Variants in ACP3 observed in about 807,000 individuals in gnomAD.
The protein encoded by ACP3 is prostatic acid phosphatase.
A neutral mutation model predicts 45.6 loss-of-function variants in ACP3; 38 were observed. That is an observed-to-expected ratio of 0.83 (90% CI 0.64 to 1.09). The LOEUF is 1.09. ACP3 is among the 50% of genes least tolerant of loss of function. ACP3 has a pLI of 0.00. For synonymous variants in ACP3, 162 were observed against 164.7 expected (o/e 0.98, Z 0.13); for missense variants, 466 against 463.2 (o/e 1.01, Z -0.05).
rs779847996 is a variant in ACP3, at chr3:132,357,277, G to C, written c.*399G>C. ...TTCTTTAAATGTCTGAAATGGAACA[G>C]ATTTCAAAAAAAAACCCCACAATCT... On this transcript the variant is annotated 3_prime_UTR_variant, in exon 10 of 10. Transcript: ENST00000336375. The C allele has an allele frequency of 1.0e-6, 1 of 986,668 alleles. No homozygotes were observed. Among genetic ancestry groups the C allele is most frequent in the Non-Finnish European group, 1.2e-6 (1 of 830,906 alleles). The allele number at this position is 986,668 out of a possible 1,614,324, so 61.1% of individuals were successfully genotyped here. A position where few individuals can be genotyped will look rare whatever the true frequency, so the allele number is the denominator to read the frequency against.
chr3:132,334,546 C>G (rs368522948), intron 4 of ACP3, among the ~76,000 whole-genome samples: 10 of 152,148 alleles, frequency 6.6e-5, no homozygotes, highest in Non-Finnish European at 1.5e-4. Flanking sequence ...ATGAGACTTA[C>G]GTGCAGTTAC....
In ACP3 at chr3:132,317,584, G is replaced by T; in HGVS notation, c.120+8G>T. On this transcript the variant is annotated splice_region_variant and intron_variant, in intron 1 of 9. Coordinates refer to ENST00000336375, the MANE Select transcript of ACP3 (RefSeq NM_001099.5). ...TTGAAGTTTGTGACTTTGGTAAGTA[G>T]ACTTTTCTCATTGCTTTTTCCTTAA... 6.2e-7 allele frequency: 1 copy of T among 1,608,414 alleles called. No individual in the cohort carries two copies. The highest frequency in any genetic ancestry group is 8.5e-7 in the Non-Finnish European group (1 of 1,177,514).
At position 132,357,967 on chromosome 3, in the gene ACP3, G is replaced by C. The variant is rs1229315454; in HGVS notation, c.*1089G>C. 1 of 167,552 alleles carries C rather than the reference G, an allele frequency of 6.0e-6. No homozygotes were observed. Among genetic ancestry groups the C allele is most frequent in the Admixed American group, 6.6e-5 (1 of 15,198 alleles). The allele number at this position is 167,552 out of a possible 1,614,324, so 10.4% of individuals were successfully genotyped here. On this transcript the variant is annotated 3_prime_UTR_variant, in exon 10 of 10. Coordinates refer to ENST00000336375, the MANE Select transcript of ACP3 (RefSeq NM_001099.5). ...GAGGATCACTTGAGCCCCGGAGGTC[G>C]AGGCTACAGTGAGCCAAGAGTGCAC... is the stretch of plus-strand genomic sequence containing the variant.
intron 6 of ACP3, among the ~76,000 whole-genome samples, 161 bp from the exon 7 acceptor site, chr3:132,344,766 T>C (rs764907124): frequency 1.6e-4 from 24 of 152,110 alleles, no homozygotes; most frequent in Non-Finnish European, 3.4e-4. Context: ...CTTCTGAAAG[T>C]CAATACCACT....
At chr3:132,367,832 T>C (rs778091610) in exon 11 of ACP3, 2 of 1,595,288 alleles carry the variant, frequency 1.3e-6, no homozygotes, top group Non-Finnish European at 1.7e-6. Context: ...AACAGACAGC[T>C]GGATAAGCCA....
Position 132,350,895 on chromosome 3 carries a change from A to G in ACP3, c.864+893A>G, listed in dbSNP as rs75638754. 6.3e-3 allele frequency among the ~76,000 whole-genome samples: 954 copies of G among 152,274 alleles called. 11 individuals carry two copies. The highest frequency in any genetic ancestry group is 0.022 in the African/African-American group (902 of 41,548). ...GTTGGGAACAGGATATGGTGTAGAA[A>G]GCTTTTGTGATAGTCTAGAAAAATG... is the stretch of plus-strand genomic sequence containing the variant. On this transcript the variant is annotated intron_variant, in intron 8 of 9. Transcript: ENST00000336375.
intron 1 of ACP3, among the ~76,000 whole-genome samples, chr3:132,319,898 C>A (rs1001601986): frequency 5.3e-5 from 8 of 152,102 alleles, no homozygotes; most frequent in Admixed American, 3.3e-4. Context: ...CTCTGTGATC[C>A]GAGAAAAATA....
At chr3:132,340,151 T>C (rs1265058845) in intron 5 of ACP3, among the ~76,000 whole-genome samples, 1 of 151,930 alleles carries the variant, frequency 6.6e-6, no homozygotes, top group Non-Finnish European at 1.5e-5. Flanking sequence ...CTGTCTCTAC[T>C]AGAAACACAA....
chr3:132,347,701 C>G (rs1038062726), intron 7 of ACP3, among the ~76,000 whole-genome samples: 6 of 152,100 alleles, frequency 3.9e-5, no homozygotes, highest in East Asian at 1.9e-4. Context: ...CCAGGCTAGT[C>G]TTGAACTCCT....
chr3:132,328,424 A>C (rs1937340607), intron 2 of ACP3, 62 bp downstream of exon 2: 1 of 1,432,248 alleles, frequency 7.0e-7, no homozygotes. Flanking sequence ...CACGCCTGTA[A>C]TCCCAGCACT....
chr3:132,356,935 T>C lies in ACP3; in HGVS notation c.*57T>C. On this transcript the variant is annotated 3_prime_UTR_variant, in exon 10 of 10. Transcript: ENST00000336375. ...TGCCCTTTCTCAGGGCAGATGATGCTTTGAGAACATACTTTGGCCATTACC... is the reference window on the plus strand; with the variant it reads ...TGCCCTTTCTCAGGGCAGATGATGCCTTGAGAACATACTTTGGCCATTACC... The C allele has an allele frequency of 1.3e-6, 2 of 1,548,212 alleles. No individual in the cohort carries two copies. The highest frequency in any genetic ancestry group is 2.4e-5 in the South Asian group (2 of 81,978).
chr3:132,352,819 A>T lies in ACP3; in HGVS notation c.964A>T (p.Lys322Ter), dbSNP rs1403603816. The T allele has an allele frequency of 1.2e-6, 2 of 1,602,594 alleles. No individual in the cohort carries two copies. Among genetic ancestry groups the T allele is most frequent in the Non-Finnish European group, 1.7e-6 (2 of 1,169,636 alleles). Residue 322 changes from lysine to a stop codon, truncating the protein, a stop_gained, in exon 9 of 10, where the codon AAG (lysine) becomes TAG (stop). Transcript: ENST00000336375. LOFTEE classifies it low-confidence loss of function (END_TRUNC). ...SCHLTELYFE[K>*]GEYFVEMYYR... ...CCACTTGACGGAATTGTACTTTGAG[A>T]AGGGGTAAGTGACTAAGTGCTTTTC... is the stretch of plus-strand genomic sequence containing the variant.
At chr3:132,353,135 TTTC>T (rs1318789343) in intron 9 of ACP3, among the ~76,000 whole-genome samples, 10 of 152,088 alleles carry the variant, frequency 6.6e-5, no homozygotes, top group African/African-American at 1.9e-4. Flanking sequence ...AAGAGAAAAA[TTTC>T]TTGATGGTTA....
chr3:132,319,557 C>T (rs890299417), intron 1 of ACP3, among the ~76,000 whole-genome samples: 6 of 152,162 alleles, frequency 3.9e-5, no homozygotes, highest in Non-Finnish European at 7.3e-5. Flanking sequence ...ATTTTTTAGT[C>T]CCATGCAATA....
rs1222916969 is a variant in ACP3 at position 132,357,732 on chromosome 3, T to G, written c.*854T>G. 50 of 985,252 alleles carry G rather than the reference T, an allele frequency of 5.1e-5. No individual in the cohort carries two copies. The highest frequency in any genetic ancestry group is 5.8e-5 in the Non-Finnish European group (48 of 829,932). 61.0% of individuals were successfully genotyped at this position (985,252 alleles called of 1,614,324 possible). A position where few individuals can be genotyped will look rare whatever the true frequency, so the allele number is the denominator to read the frequency against. ...TAGAAGCTCCAGTGATAAGAGATGT[T>G]GACTCTAAAGTTGATTTAAGGCCAG... is the stretch of plus-strand genomic sequence containing the variant. On this transcript the variant is annotated 3_prime_UTR_variant, in exon 10 of 10. Coordinates refer to ENST00000336375, the MANE Select transcript of ACP3 (RefSeq NM_001099.5).
chr3:132,341,293 T>C (rs1937549900), intron 5 of ACP3, among the ~76,000 whole-genome samples: 1 of 152,200 alleles, frequency 6.6e-6, no homozygotes, highest in African/African-American at 2.4e-5. Context: ...ATTAAGGAAA[T>C]ATCCACCTTT....
chr3:132,353,673 C>T (rs7616266), intron 9 of ACP3, among the ~76,000 whole-genome samples: 18,948 of 152,214 alleles, frequency 0.12, 1,401 homozygotes, highest in Non-Finnish European at 0.18. Context: ...AATAGCTGCA[C>T]ACCAACCTGA....
At chr3:132,364,659 G>A (rs1183230287) in intron 10 of ACP3, among the ~76,000 whole-genome samples, 1 of 152,108 alleles carries the variant, frequency 6.6e-6, no homozygotes, top group Non-Finnish European at 1.5e-5. Context: ...TACCTTTCTG[G>A]TTCTCCTGCT....
intron 4 of ACP3, among the ~76,000 whole-genome samples, chr3:132,333,728 T>C (rs1559832284): frequency 6.6e-6 from 1 of 152,198 alleles, no homozygotes; most frequent in Non-Finnish European, 1.5e-5. Flanking sequence ...TTTGTGAATA[T>C]TTTATTCCAA....
Sources: gnomAD v4.1 joint callset for allele counts (sites outside exome capture counted in the v4.1 genomes callset) on GRCh38, gnomAD v4.1.1 for gene constraint, MANE v1.5 for transcripts, NCBI Gene and HGNC (gene_info 2026-07-23, HGNC 2026-07-21) for gene names.